The following CGN variants were observed in gnomAD, a reference collection of about 807,000 sequenced individuals.
CGN encodes cingulin.
In CGN, 121 loss-of-function variants were observed where a neutral mutation model predicts 157.1. The observed-to-expected ratio is 0.77, with a 90% confidence interval of 0.66 to 0.90. The LOEUF is 0.90. Ranked by LOEUF, CGN falls within the 40% of genes least tolerant of loss-of-function variation. The pLI is 0.00. For missense variants in CGN, 1,424 were observed against 1,520.9 expected, an observed-to-expected ratio of 0.94 and a Z score of 1.06; for synonymous variants, 535 against 607.5, an observed-to-expected ratio of 0.88 and a Z score of 1.76.
At position 151,511,451 on chromosome 1, in the gene CGN, C is replaced by CGAGCCG. The variant is rs1664286836; in HGVS notation, c.-74_-73insGGAGCC. ...GTGCTGCTTTGCCCGAGCCCGAGCC[C>CGAGCCG]GAGCCCGAGCCCGAGCCCGAGCCCG... On this transcript the variant is annotated 5_prime_UTR_variant, in exon 1 of 21. Coordinates refer to ENST00000271636, the MANE Select transcript of CGN (RefSeq NM_020770.3). This position sits in a 1 kb window ranked among gnomAD's most constrained non-coding sequence, Gnocchi z 4.8. 2 of 182,330 alleles carry CGAGCCG rather than the reference C, an allele frequency of 1.1e-5. No homozygotes were observed. The highest frequency in any genetic ancestry group is 1.8e-4 in the South Asian group (2 of 11,214). The allele number at this position is 182,330 out of a possible 1,614,324, so 11.3% of individuals were successfully genotyped here.
chr1:151,536,210 C>T (rs1187022076), intron 18 of CGN, 27 bp from the exon 19 acceptor site: 1 of 1,393,024 alleles, frequency 7.2e-7, no homozygotes, highest in Non-Finnish European at 1.0e-6. Flanking sequence ...TGGGGACACT[C>T]ATAGACATTC....
At position 151,534,448 on chromosome 1, in the gene CGN, T is replaced by C. The variant is rs41272469; in HGVS notation, c.2904+312T>C. On this transcript the variant is annotated intron_variant, in intron 15 of 20. Coordinates refer to ENST00000271636, the MANE Select transcript of CGN (RefSeq NM_020770.3). ...GAACAGTATTCTTCAGTTTGCTATA[T>C]TTGATAATAATAATAGCAGCAGCAA... is the stretch of plus-strand genomic sequence containing the variant. 160 of 336,534 alleles carry C rather than the reference T, an allele frequency of 4.8e-4. 1 individual carries two copies. In the East Asian group the frequency reaches 0.011, roughly 24 times the overall value. The allele number at this position is 336,534 out of a possible 1,614,324, so 20.8% of individuals were successfully genotyped here. A position where few individuals can be genotyped will look rare whatever the true frequency, so the allele number is the denominator to read the frequency against.
At chr1:151,525,088 AG>A (rs2102494350) in intron 8 of CGN, among the ~76,000 whole-genome samples, 1 of 152,260 alleles carries the variant, frequency 6.6e-6, no homozygotes, top group East Asian at 1.9e-4. Context: ...AAGTACCTTG[AG>A]GTTGTGTGAC....
chr1:151,514,451 G>GGAGGTCCTGTTGCTAA lies in CGN; in HGVS notation c.-15+2948_-15+2963dup, dbSNP rs572827965. 8.3e-4 allele frequency among the ~76,000 whole-genome samples: 126 copies of GGAGGTCCTGTTGCTAA among 152,314 alleles called. 1 individual carries two copies. The East Asian group carries it at 0.02, about 25-fold the overall frequency. On this transcript the variant is annotated intron_variant, in intron 1 of 20. Transcript: ENST00000271636. ...ATAGGGCAGCAAGTCTGGACCAGGA[G>GGAGGTCCTGTTGCTAA]GAGGTCCTGTTGCTAAGAGGTCCTG...
At chr1:151,531,171 T>C (rs1664828802) in intron 13 of CGN, among the ~76,000 whole-genome samples, 1 of 152,042 alleles carries the variant, frequency 6.6e-6, no homozygotes, top group Non-Finnish European at 1.5e-5. Context: ...GTGTGATGTT[T>C]GCTTTCCTCA....
chr1:151,525,676 T>C lies in CGN; in HGVS notation c.1649T>C (p.Met550Thr). 2 of 1,610,192 alleles carry C rather than the reference T, an allele frequency of 1.2e-6. No individual in the cohort carries two copies. The highest frequency in any genetic ancestry group is 8.5e-7 in the Non-Finnish European group (1 of 1,178,112). ...GTGCTGGAGGCCGAGAGGCAGAAGA[T>C]GTCAGCCCTTGTGCGAGGGCTGCAG... Reference protein sequence around the residue: ...HAVLEAERQKMSALVRGLQRE... With the variant: ...HAVLEAERQKTSALVRGLQRE... Residue 550 changes from methionine to threonine, a missense_variant, in exon 9 of 21, where the codon ATG (methionine) becomes ACG (threonine). Coordinates refer to ENST00000271636, the MANE Select transcript of CGN (RefSeq NM_020770.3).
Position 151,536,763 on chromosome 1 carries a change from G to A in CGN, c.3340G>A (p.Val1114Met). 1 of 1,614,174 alleles carries A rather than the reference G, an allele frequency of 6.2e-7. No homozygotes were observed. Among genetic ancestry groups the A allele is most frequent in the Non-Finnish European group, 8.5e-7 (1 of 1,180,040 alleles). Residue 1114 changes from valine to methionine, a missense_variant, in exon 20 of 21, where the codon GTG becomes ATG. Around this residue, in one of 3 missense-constraint regions of CGN, gnomAD observed 199 missense variants for 272.2 expected, o/e 0.73. Transcript: ENST00000271636. ...GAGGGTGAAGGCTTTGAAGCGTCAG[G>A]TGGATGAAGCAGAAGAGGAAATTGA... Reference protein sequence around the residue: ...SLRVKALKRQVDEAEEEIERL... With the variant: ...SLRVKALKRQMDEAEEEIERL...
At chr1:151,526,881 C>T (rs1664692988) in intron 9 of CGN, 94 bp from the exon 10 acceptor site, 1 of 1,483,416 alleles carries the variant, frequency 6.7e-7, no homozygotes, top group Non-Finnish European at 9.3e-7. Flanking sequence ...GTGTTGGCCT[C>T]CAGAGAGGTG....
At chr1:151,519,592 A>C (rs371662224) in intron 2 of CGN, among the ~76,000 whole-genome samples, 200 bp downstream of exon 2, 1 of 152,340 alleles carries the variant, frequency 6.6e-6, no homozygotes, top group South Asian at 2.1e-4. Flanking sequence ...AATTCTAAAG[A>C]AAATGGAGCA....
At chr1:151,535,241 G>A in intron 16 of CGN, 110 bp downstream of exon 16, 8 of 840,842 alleles carry the variant, frequency 9.5e-6, no homozygotes, top group Non-Finnish European at 1.3e-5. Flanking sequence ...CCGAATCTGT[G>A]CGTGGCTGGG....
chr1:151,522,841 G>A (rs1342847149), intron 5 of CGN, among the ~76,000 whole-genome samples: 1 of 151,882 alleles, frequency 6.6e-6, no homozygotes, highest in Non-Finnish European at 1.5e-5. Flanking sequence ...TTGAACCCGG[G>A]AGGTGGAGGT....
In CGN at chr1:151,519,158, G is replaced by A; in HGVS notation, c.639G>A (p.Lys213=). ...CCCCTGAACAGCGCAAACGGAGCAA[G>A]AGCCTGGACAGCCGCCTCCCACGGG... ...MLPPEQRKRS[K]SLDSRLPRDT... Residue 213 remains lysine, a synonymous_variant, in exon 2 of 21, where the codon AAG becomes AAA. Transcript: ENST00000271636. The A allele has an allele frequency of 4.3e-6, 7 of 1,614,040 alleles. No individual in the cohort carries two copies. Among genetic ancestry groups the A allele is most frequent in the Non-Finnish European group, 5.9e-6 (7 of 1,180,026 alleles).
In CGN at chr1:151,534,828, C is replaced by G. The variant is rs1198234298; in HGVS notation, c.2905-214C>G. 9 of 524,420 alleles carry G rather than the reference C, an allele frequency of 1.7e-5. No homozygotes were observed. In the East Asian group the frequency reaches 2.5e-4, roughly 15 times the overall value. 32.5% of individuals were successfully genotyped at this position (524,420 alleles called of 1,614,324 possible). The stretch of plus-strand genomic sequence containing the variant: ...TTGCCTTTCTGTCAAAGGGCCGTCA[C>G]CAGAGCATGGCCCCGACCTGCCCAT... On this transcript the variant is annotated intron_variant, in intron 15 of 20. Transcript: ENST00000271636.
chr1:151,535,938 T>C, intron 18 of CGN, 40 bp downstream of exon 18: 1 of 1,487,720 alleles, frequency 6.7e-7, no homozygotes, highest in South Asian at 1.2e-5. Context: ...TCCCTCCTTT[T>C]CTTCCTCCCT....
intron 13 of CGN, among the ~76,000 whole-genome samples, chr1:151,531,114 C>T (rs1399042225): frequency 1.3e-5 from 2 of 151,226 alleles, no homozygotes; most frequent in Admixed American, 1.3e-4. Context: ...GCACTTCAGC[C>T]TGGGTGACAG....
chr1:151,524,084 G>C lies in CGN; in HGVS notation c.1269-142G>C. On this transcript the variant is annotated intron_variant, in intron 6 of 20. Coordinates refer to ENST00000271636, the MANE Select transcript of CGN (RefSeq NM_020770.3). This position sits in a 1 kb window ranked among gnomAD's most constrained non-coding sequence, Gnocchi z 4.4. ...GATCAGGAGGGCCAGGTTGTAGCGGGGCAGGTTGCAAAAATCAGGGGAGGC... is the reference window on the plus strand; with the variant it reads ...GATCAGGAGGGCCAGGTTGTAGCGGCGCAGGTTGCAAAAATCAGGGGAGGC... The C allele has an allele frequency of 1.4e-6, 1 of 704,690 alleles. No individual in the cohort carries two copies. Among genetic ancestry groups the C allele is most frequent in the Non-Finnish European group, 2.3e-6 (1 of 425,740 alleles). 43.7% of individuals were successfully genotyped at this position (704,690 alleles called of 1,614,324 possible).
intron 1 of CGN, 58 bp from the exon 2 acceptor site, chr1:151,518,448 G>A (rs1664457825): frequency 1.5e-5 from 22 of 1,428,466 alleles, no homozygotes; most frequent in Non-Finnish European, 2.1e-5. Context: ...CCCGCAGGTA[G>A]AAGTTTCATA....
intron 13 of CGN, among the ~76,000 whole-genome samples, chr1:151,532,018 G>C (rs1351643076): frequency 1.3e-5 from 2 of 152,102 alleles, no homozygotes; most frequent in Non-Finnish European, 2.9e-5. Flanking sequence ...TATAATCATT[G>C]GCACCTTGGG....
intron 5 of CGN, among the ~76,000 whole-genome samples, chr1:151,522,575 G>A (rs1405902889): frequency 2.0e-5 from 3 of 151,868 alleles, no homozygotes; most frequent in Non-Finnish European, 4.4e-5. Context: ...GCCATGAGCC[G>A]AGATTGCGCC....
Sources: allele counts gnomAD v4.1 joint callset (sites outside exome capture counted in the v4.1 genomes callset), GRCh38; gene constraint gnomAD v4.1.1; regional missense constraint gnomAD v4.1.1; non-coding constraint Gnocchi (gnomAD v3.1); transcripts MANE v1.5; gene names NCBI Gene and HGNC (gene_info 2026-07-23, HGNC 2026-07-21).